FANK1: variants seen among roughly 807,000 people sequenced by gnomAD.
FANK1 encodes the protein fibronectin type III and ankyrin repeat domains 1.
FANK1 carries 44 observed loss-of-function variants against 45.3 expected under a neutral mutation model. The ratio of observed to expected loss-of-function variants is 0.97; its 90% CI spans 0.76 to 1.25. The LOEUF (loss-of-function observed/expected upper bound fraction) is 1.25, where lower values mean the gene tolerates loss of function less well. FANK1 is among the 50% of genes most tolerant of loss of function. The pLI is 0.00. For missense variants in FANK1, 391 were observed against 424.4 expected, an observed-to-expected ratio of 0.92 and a Z score of 0.69; for synonymous variants, 149 against 152.5, an observed-to-expected ratio of 0.98 and a Z score of 0.17.
At chr10:125,980,483 A>G in intron 2 of FANK1, 145 bp downstream of exon 2, 1 of 971,516 alleles carries the variant, frequency 1.0e-6, no homozygotes, top group Admixed American at 3.2e-5. Context: ...TATGAATTAC[A>G]ATTTTTGGAA....
intron 1 of FANK1, chr10:125,972,173 A>T (rs1950559420): frequency 6.6e-6 from 1 of 152,206 alleles, no homozygotes; most frequent in Non-Finnish European, 1.5e-5. Context: ...TAAATAAAGC[A>T]TCCACACTAG....
chr10:125,973,941 C>T (rs1419470882), intron 1 of FANK1, among the ~76,000 whole-genome samples: 1 of 152,188 alleles, frequency 6.6e-6, no homozygotes, highest in Non-Finnish European at 1.5e-5. Flanking sequence ...ATGTTTTCCA[C>T]CCATCCATTT....
intron 1 of FANK1, among the ~76,000 whole-genome samples, chr10:125,956,839 G>A (rs1043993598): frequency 2.0e-5 from 3 of 152,278 alleles, no homozygotes; most frequent in South Asian, 2.1e-4. Context: ...ATAAGGGCGA[G>A]TTCGGGGTAG....
At chr10:125,989,525 T>C (rs1238075548) in intron 3 of FANK1, 2 of 766,530 alleles carry the variant, frequency 2.6e-6, no homozygotes, top group African/African-American at 3.5e-5. Context: ...TAAAGTTAAC[T>C]CAGCTTTTGA....
At chr10:125,979,752 C>G in intron 1 of FANK1, 1 of 451,354 alleles carries the variant, frequency 2.2e-6, no homozygotes, top group Non-Finnish European at 4.5e-6. Flanking sequence ...GCATAGGTGT[C>G]AACCCTTTGT....
intron 1 of FANK1, among the ~76,000 whole-genome samples, chr10:125,967,575 C>T (rs1332327135): frequency 1.3e-5 from 2 of 152,082 alleles, no homozygotes; most frequent in Non-Finnish European, 2.9e-5. Context: ...CTATACTATT[C>T]GTTCTACTTT....
chr10:125,922,761 C>CA (rs1259761871), intron 1 of FANK1, among the ~76,000 whole-genome samples: 1 of 152,194 alleles, frequency 6.6e-6, no homozygotes, highest in Non-Finnish European at 1.5e-5. Flanking sequence ...GCCATCCTCT[C>CA]ACTCGGGCCT....
intron 1 of FANK1, among the ~76,000 whole-genome samples, chr10:125,948,765 T>G (rs549553154): frequency 1.3e-5 from 2 of 151,694 alleles, no homozygotes; most frequent in African/African-American, 4.8e-5. Context: ...CTAACTCATT[T>G]TATGAGGCCA....
At chr10:125,915,215 C>T (rs112991884) in intron 1 of FANK1, among the ~76,000 whole-genome samples, 2 of 152,084 alleles carry the variant, frequency 1.3e-5, no homozygotes, top group South Asian at 4.2e-4. Context: ...GTGCATGTTA[C>T]ATTTGTTAAA....
chr10:125,941,867 A>G (rs1038767159), intron 1 of FANK1, among the ~76,000 whole-genome samples: 4 of 152,238 alleles, frequency 2.6e-5, no homozygotes, highest in African/African-American at 9.6e-5. Context: ...TCATATTACA[A>G]TGTTATTTCA....
chr10:125,913,279 G>A (rs1164654163), intron 1 of FANK1, among the ~76,000 whole-genome samples: 1 of 151,990 alleles, frequency 6.6e-6, no homozygotes, highest in African/African-American at 2.4e-5. Flanking sequence ...CCTAAACGCT[G>A]CATGACACCC....
chr10:125,990,498 T>C (rs946832576), intron 3 of FANK1, among the ~76,000 whole-genome samples: 11 of 152,230 alleles, frequency 7.2e-5, no homozygotes, highest in Non-Finnish European at 1.2e-4. Flanking sequence ...GTTGCATTTA[T>C]GTTTGTTGGA....
Position 126,009,553 on chromosome 10 carries a change from G to C in FANK1, c.*115G>C. ...CTGTACATTTATTTATTTAGTTGAA[G>C]ATTCACTGATCCCACTTTGAAATAC... On this transcript the variant is annotated 3_prime_UTR_variant, in exon 11 of 11. Transcript: ENST00000368693. 9.2e-7 allele frequency: 1 copy of C among 1,085,530 alleles called. No individual in the cohort carries two copies. The allele number at this position is 1,085,530 out of a possible 1,614,324, so 67.2% of individuals were successfully genotyped here.
chr10:125,905,130 CAAAAA>C (rs11289535), intron 1 of FANK1, among the ~76,000 whole-genome samples: 2 of 68,132 alleles, frequency 2.9e-5, no homozygotes, highest in African/African-American at 1.3e-4. Context: ...GACTCTGTCC[CAAAAA>C]AAAAAAAAAA....
In FANK1 at chr10:125,996,622, C is replaced by T. The variant is rs756239873; in HGVS notation, c.471C>T (p.Thr157=). Residue 157 remains threonine (T), a splice_region_variant and synonymous_variant, in exon 5 of 11, where the codon ACC becomes ACT. Coordinates refer to ENST00000368693, the MANE Select transcript of FANK1 (RefSeq NM_145235.5). ...ALMVAAQKGY[T]RLVKILVSNG... ...TGGTTGCTGCCCAGAAAGGATACACCAGGTATGGCTCTTCTTTTTTTTAAA... is the reference window on the plus strand; with the variant it reads ...TGGTTGCTGCCCAGAAAGGATACACTAGGTATGGCTCTTCTTTTTTTTAAA... The T allele has an allele frequency of 1.2e-6, 2 of 1,613,472 alleles. No individual in the cohort carries two copies. Among genetic ancestry groups the T allele is most frequent in the South Asian group, 2.2e-5 (2 of 90,962 alleles).
intron 1 of FANK1, among the ~76,000 whole-genome samples, chr10:125,905,874 A>C (rs888439221): frequency 1.3e-5 from 2 of 152,310 alleles, no homozygotes; most frequent in African/African-American, 4.8e-5. Context: ...TTACTGAAAC[A>C]ATCAGGAATG....
chr10:125,980,153 T>C lies in FANK1; in HGVS notation c.14-8T>C, dbSNP rs1358739979. On this transcript the variant is annotated splice_polypyrimidine_tract_variant and splice_region_variant and intron_variant, in intron 1 of 10. Coordinates refer to ENST00000368693, the MANE Select transcript of FANK1 (RefSeq NM_145235.5). ...GGTCCTGAAGTTCGGTGTCATTCTT[T>C]TTTTTAGAAATCATGCCACCCTCAA... The C allele has an allele frequency of 2.5e-6, 4 of 1,606,450 alleles. No individual in the cohort carries two copies. The highest frequency in any genetic ancestry group is 3.4e-6 in the Non-Finnish European group (4 of 1,177,334).
chr10:125,957,214 G>C (rs11599031), intron 1 of FANK1, among the ~76,000 whole-genome samples: 48,824 of 151,954 alleles, frequency 0.32, 8,209 homozygotes, highest in East Asian at 0.46. Context: ...ACTGCTTGAT[G>C]TTATGCACAA....
rs1036077050 is a variant in FANK1, at chr10:126,009,222, T to C, written c.928T>C (p.Phe310Leu). 6.2e-7 allele frequency: 1 copy of C among 1,614,146 alleles called. No homozygotes were observed. The highest frequency in any genetic ancestry group is 8.5e-7 in the Non-Finnish European group (1 of 1,180,060). The change falls in exon 10 of 11, where the codon TTC becomes CTC. Residue 310 changes from phenylalanine to leucine, a missense_variant and splice_region_variant. Phe to Leu is a conservative substitution (Grantham distance 22). Coordinates refer to ENST00000368693, the MANE Select transcript of FANK1 (RefSeq NM_145235.5). ...AAATTTTTGTTGTTTCCTGTTTCAG[T>C]TCGGCAAAGGTGTCCTAGAAATGGC... Reference protein sequence around the residue: ...KGADASVKNEFGKGVLEMARV... With the variant: ...KGADASVKNELGKGVLEMARV...
Sources: gnomAD v4.1 joint callset for allele counts (sites outside exome capture counted in the v4.1 genomes callset) on GRCh38, gnomAD v4.1.1 for gene constraint, MANE v1.5 for transcripts, NCBI Gene and HGNC (gene_info 2026-07-23, HGNC 2026-07-21) for gene names.